The following NDRG4 variants were observed in gnomAD, a reference collection of about 807,000 sequenced individuals.
NDRG4 encodes protein NDRG4.
In NDRG4, 38 loss-of-function variants were observed where a neutral mutation model predicts 55.8. That is an observed-to-expected ratio of 0.68 (90% CI 0.53 to 0.89). The LOEUF (loss-of-function observed/expected upper bound fraction) is 0.89, where lower values mean the gene tolerates loss of function less well. Among genes scored for constraint, NDRG4 ranks in the 40% least tolerant of loss-of-function variants. The pLI is 0.00. For synonymous variants in NDRG4, 190 were observed against 182.7 expected (o/e 1.04, Z -0.32); for missense variants, 455 against 468.6 (o/e 0.97, Z 0.27).
intron 8 of NDRG4, 65 bp downstream of exon 8, chr16:58,507,080 C>T (rs1050881283): frequency 7.8e-7 from 1 of 1,279,736 alleles, no homozygotes; most frequent in African/African-American, 1.5e-5. Context: ...CACACTGCCC[C>T]CTGAGGGAGG....
intron 1 of NDRG4, among the ~76,000 whole-genome samples, chr16:58,471,944 G>T (rs1263150289): frequency 1.3e-5 from 2 of 152,068 alleles, no homozygotes; most frequent in Non-Finnish European, 2.9e-5. Context: ...CAAGTCCAGG[G>T]TTTGCAGTCC....
Position 58,511,561 on chromosome 16 carries a change from G to A in NDRG4, c.1044G>A (p.Met348Ile), listed in dbSNP as rs966481318. Residue 348 changes from methionine (M) to isoleucine (I), a missense_variant, in exon 15 of 15, where the codon ATG (methionine) becomes ATA (isoleucine). Coordinates refer to ENST00000570248, the MANE Select transcript of NDRG4 (RefSeq NM_001242835.2). ...GGCTGGGCCAGGTCAACCACACCAT[G>A]GAGGTGTCCTGTTGAAGCCCTTGAT... Reference protein sequence around the residue: ...SEGLGQVNHTMEVSC With the variant: ...SEGLGQVNHTIEVSC The A allele has an allele frequency of 1.2e-6, 2 of 1,613,050 alleles. No individual in the cohort carries two copies. Among genetic ancestry groups the A allele is most frequent in the Non-Finnish European group, 1.7e-6 (2 of 1,179,956 alleles).
chr16:58,508,007 A>AG lies in NDRG4; in HGVS notation c.729+12dup. 1 of 1,487,906 alleles carries AG rather than the reference A, an allele frequency of 6.7e-7. No homozygotes were observed. The highest frequency in any genetic ancestry group is 9.1e-7 in the Non-Finnish European group (1 of 1,096,522). The allele number at this position is 1,487,906 out of a possible 1,614,324, so 92.2% of individuals were successfully genotyped here. A position where few individuals can be genotyped will look rare whatever the true frequency, so the allele number is the denominator to read the frequency against. On this transcript the variant is annotated intron_variant, in intron 10 of 14. Transcript: ENST00000570248. ...CCCGCTGAGGACGGGGTGGTAAGTG[A>AG]GGGGCTGTGGGCTCACTGGGGGTGG...
At chr16:58,463,772 G>A (rs1317930770) in exon 1 of NDRG4, 1 of 151,012 alleles carries the variant, frequency 6.6e-6, no homozygotes. Context: ...CCCCGCCTGC[G>A]CGTCTGTCTC....
chr16:58,505,713 C>CTTTTTTTTTTTTTTTT (rs1028370131), intron 5 of NDRG4, among the ~76,000 whole-genome samples: 8 of 58,660 alleles, frequency 1.4e-4, no homozygotes, highest in African/African-American at 6.1e-4. Context: ...GCTTCATTTT[C>CTTTTTTTTTTTTTTTT]TTTTTTTTTT....
At chr16:58,465,646 C>A (rs1269403678) in intron 1 of NDRG4, among the ~76,000 whole-genome samples, 6 of 152,064 alleles carry the variant, frequency 3.9e-5, no homozygotes, top group Non-Finnish European at 8.8e-5. Context: ...TGCCTGTAAT[C>A]CCAGCACTTT....
At chr16:58,498,187 C>T (rs1199377706), upstream of NDRG4, among the ~76,000 whole-genome samples, 1 of 152,030 alleles carries the variant, frequency 6.6e-6, no homozygotes, top group East Asian at 1.9e-4. Flanking sequence ...CATGGGAGGG[C>T]ATTGTGGGCA....
chr16:58,505,369 A>T (rs983929860), intron 5 of NDRG4, among the ~76,000 whole-genome samples: 1 of 151,858 alleles, frequency 6.6e-6, no homozygotes, highest in African/African-American at 2.4e-5. Flanking sequence ...AAAAATAAAA[A>T]AAATCATTGT....
intron 1 of NDRG4, among the ~76,000 whole-genome samples, chr16:58,479,984 G>A (rs7195592): frequency 0.093 from 14,163 of 152,190 alleles, 1,573 homozygotes; most frequent in African/African-American, 0.27. Context: ...TACTAAGTCT[G>A]TCCCCTTTAG....
intron 1 of NDRG4, chr16:58,475,474 T>G: frequency 2.7e-6 from 1 of 363,968 alleles, no homozygotes; most frequent in Non-Finnish European, 5.4e-6. Flanking sequence ...CTTTCCTTTT[T>G]CCTTGATTTC....
At chr16:58,495,345 C>T (rs1469834736), upstream of NDRG4, 10 of 259,136 alleles carry the variant, frequency 3.9e-5, no homozygotes, top group South Asian at 1.1e-4. Flanking sequence ...CCAGGTTCTC[C>T]GTGGAAACTG....
intron 1 of NDRG4, chr16:58,500,862 A>AGAGCT (rs1375574567): frequency 8.8e-5 from 46 of 523,204 alleles, no homozygotes; most frequent in Non-Finnish European, 1.2e-4. Context: ...CACAGTTCCC[A>AGAGCT]GGGCTCTGCT....
At position 58,506,149 on chromosome 16, in the gene NDRG4, T is replaced by G. The variant is rs1567346869; in HGVS notation, c.373-238T>G. The G allele has an allele frequency of 1.1e-5, 7 of 629,942 alleles. No individual in the cohort carries two copies. The South Asian group carries it at 1.1e-4, about 10-fold the overall frequency. The allele number at this position is 629,942 out of a possible 1,614,324, so 39.0% of individuals were successfully genotyped here. On this transcript the variant is annotated intron_variant, in intron 5 of 14. Transcript: ENST00000570248. ...TTGAAAGAGCGTGTGTGTGTGTGTG[T>G]GTGTGTGTCTGTGTGTGTGTAGGGG...
intron 1 of NDRG4, among the ~76,000 whole-genome samples, chr16:58,487,179 A>G (rs1205034884): frequency 6.6e-6 from 1 of 152,128 alleles, no homozygotes; most frequent in Non-Finnish European, 1.5e-5. Flanking sequence ...TGTTTTAGGA[A>G]TCATGACGTT....
At chr16:58,506,325 A>T in intron 5 of NDRG4, 62 bp from the exon 6 acceptor site, 3 of 1,497,814 alleles carry the variant, frequency 2.0e-6, no homozygotes, top group Non-Finnish European at 2.8e-6. Flanking sequence ...GACTTTACAG[A>T]GTGTTTCTGC....
At chr16:58,477,860 A>G (rs1273406832) in intron 1 of NDRG4, among the ~76,000 whole-genome samples, 1 of 152,144 alleles carries the variant, frequency 6.6e-6, no homozygotes, top group African/African-American at 2.4e-5. Flanking sequence ...ACAAAGGGAA[A>G]AATAGTAACA....
At chr16:58,509,785 G>T (rs1422270175) in intron 13 of NDRG4, among the ~76,000 whole-genome samples, 9 of 152,188 alleles carry the variant, frequency 5.9e-5, no homozygotes. Flanking sequence ...AACAACTCAT[G>T]GCTGCACCCA....
At chr16:58,479,658 A>G (rs747351123) in intron 1 of NDRG4, among the ~76,000 whole-genome samples, 11 of 152,016 alleles carry the variant, frequency 7.2e-5, no homozygotes, top group Non-Finnish European at 1.3e-4. Context: ...AGAATGATTC[A>G]TTCGTTCATT....
chr16:58,476,722 A>G (rs1016745576), intron 1 of NDRG4, among the ~76,000 whole-genome samples: 7 of 152,242 alleles, frequency 4.6e-5, no homozygotes, highest in Admixed American at 1.3e-4. Flanking sequence ...ATAGCACAGC[A>G]TTAAAAACTC....
Sources: gnomAD v4.1 joint callset for allele counts (sites outside exome capture counted in the v4.1 genomes callset) on GRCh38, gnomAD v4.1.1 for gene constraint, MANE v1.5 for transcripts, NCBI Gene and HGNC (gene_info 2026-07-23, HGNC 2026-07-21) for gene names.